Variants in ATP8B4 observed in about 807,000 individuals in gnomAD.
ATP8B4 encodes the protein probable phospholipid-transporting ATPase IM.
Under a neutral mutation model 145.6 loss-of-function variants are expected in ATP8B4, and 133 were observed. The ratio of observed to expected loss-of-function variants is 0.91; its 90% CI spans 0.79 to 1.05. The LOEUF (loss-of-function observed/expected upper bound fraction) is 1.05. Ranked by LOEUF, ATP8B4 falls within the 50% of genes least tolerant of loss-of-function variation. The pLI is 0.00. For missense variants in ATP8B4, 1,458 were observed against 1,425.2 expected, an observed-to-expected ratio of 1.02 and a Z score of -0.37; for synonymous variants, 507 against 492.9, an observed-to-expected ratio of 1.03 and a Z score of -0.38.
chr15:50,076,604 G>A (rs2054194523), intron 2 of ATP8B4, among the ~76,000 whole-genome samples: 1 of 152,178 alleles, frequency 6.6e-6, no homozygotes, highest in African/African-American at 2.4e-5. Flanking sequence ...TAGTTTCTAT[G>A]GTAGGTCAGT....
intron 1 of ATP8B4, among the ~76,000 whole-genome samples, chr15:50,111,153 C>G (rs1286717216): frequency 6.6e-6 from 1 of 152,192 alleles, no homozygotes; most frequent in Non-Finnish European, 1.5e-5. Flanking sequence ...ATGGGCACAT[C>G]TGGGTGCAGG....
At chr15:49,864,276 G>A (rs1598769602) in intron 26 of ATP8B4, among the ~76,000 whole-genome samples, 1 of 152,260 alleles carries the variant, frequency 6.6e-6, no homozygotes, top group East Asian at 1.9e-4. Context: ...ACAATTTCAG[G>A]TGCCTTTGCA....
In ATP8B4 at chr15:49,876,633, C is replaced by T. The variant is rs74012822; in HGVS notation, c.2782-110G>A. The T allele has an allele frequency of 3.1e-3, 4,443 of 1,421,458 alleles. 114 individuals are homozygous for T. The African/African-American group carries it at 0.055, about 18-fold the overall frequency. The allele number at this position is 1,421,458 out of a possible 1,614,324, so 88.1% of individuals were successfully genotyped here. A position where few individuals can be genotyped will look rare whatever the true frequency, so the allele number is the denominator to read the frequency against. Reference sequence around the variant, plus strand: ...GCCTGTTTAAACATGTCCTAAAATGCACTACTCACTGGGCCAGAACAGGAC... The same window carrying T: ...GCCTGTTTAAACATGTCCTAAAATGTACTACTCACTGGGCCAGAACAGGAC... On this transcript the variant is annotated intron_variant, in intron 24 of 27. Coordinates refer to ENST00000284509, the MANE Select transcript of ATP8B4 (RefSeq NM_024837.4).
chr15:50,124,760 G>A (rs1434124545), intron 1 of ATP8B4, among the ~76,000 whole-genome samples: 1 of 152,104 alleles, frequency 6.6e-6, no homozygotes, highest in Admixed American at 6.5e-5. Flanking sequence ...AGATCCTACA[G>A]GGCTTGTTGT....
In ATP8B4 at chr15:49,928,697, C is replaced by T. The variant is rs568891633; in HGVS notation, c.1642+2422G>A. On this transcript the variant is annotated intron_variant, in intron 16 of 27. Coordinates refer to ENST00000284509, the MANE Select transcript of ATP8B4 (RefSeq NM_024837.4). ...CAAGAAACTTAACTAAGGCAGGGTA[C>T]TGGGAATTAGGAAAAAAGGACAAAA... Among the ~76,000 whole-genome samples, 19 of 151,928 alleles carry T rather than the reference C, an allele frequency of 1.3e-4. No homozygotes were observed. The South Asian group carries it at 3.5e-3, about 28-fold the overall frequency.
intron 2 of ATP8B4, among the ~76,000 whole-genome samples, chr15:50,081,797 TTTAA>T (rs1346032136): frequency 6.6e-6 from 1 of 152,256 alleles, no homozygotes; most frequent in Non-Finnish European, 1.5e-5. Context: ...ACAGTCTTTC[TTTAA>T]TTAACTCCAG....
intron 27 of ATP8B4, among the ~76,000 whole-genome samples, chr15:49,860,797 C>T (rs2031546342): frequency 6.6e-6 from 1 of 152,152 alleles, no homozygotes; most frequent in African/African-American, 2.4e-5. Flanking sequence ...CCAAAGTCAG[C>T]ATAATAATTT....
intron 1 of ATP8B4, among the ~76,000 whole-genome samples, chr15:50,175,926 T>C (rs2044755307): frequency 6.6e-6 from 1 of 152,228 alleles, no homozygotes; most frequent in East Asian, 1.9e-4. Flanking sequence ...CAATTTACAA[T>C]TGCAAAATCA....
chr15:50,020,639 C>T (rs2049478818), intron 6 of ATP8B4, among the ~76,000 whole-genome samples: 1 of 152,094 alleles, frequency 6.6e-6, no homozygotes, highest in Admixed American at 6.5e-5. Flanking sequence ...TTCTGGTTTC[C>T]TAGACCAGGC....
At chr15:49,900,096 C>A (rs755229430) in intron 21 of ATP8B4, among the ~76,000 whole-genome samples, 2 of 152,122 alleles carry the variant, frequency 1.3e-5, no homozygotes, top group African/African-American at 2.4e-5. Context: ...AGATGACAGT[C>A]GTAATTTTCA....
At chr15:50,025,299 G>C (rs966626797) in intron 6 of ATP8B4, among the ~76,000 whole-genome samples, 1 of 152,182 alleles carries the variant, frequency 6.6e-6, no homozygotes, top group Non-Finnish European at 1.5e-5. Context: ...CAATCTCTCT[G>C]TTATGAGGAA....
At chr15:50,095,598 A>G (rs552728275) in intron 2 of ATP8B4, among the ~76,000 whole-genome samples, 13 of 152,214 alleles carry the variant, frequency 8.5e-5, no homozygotes, top group African/African-American at 2.6e-4. Context: ...CTTTACAAAA[A>G]ATTAAAAAAC....
intron 6 of ATP8B4, among the ~76,000 whole-genome samples, chr15:50,018,382 T>G (rs2153578400): frequency 6.6e-6 from 1 of 152,266 alleles, no homozygotes; most frequent in Admixed American, 6.5e-5. Context: ...AAATGACCCC[T>G]CTAATCTAGA....
At position 49,879,438 on chromosome 15, in the gene ATP8B4, T is replaced by C. The variant is rs779047801; in HGVS notation, c.2719A>G (p.Ile907Val). 9.3e-6 allele frequency: 15 copies of C among 1,611,866 alleles called. No homozygotes were observed. The highest frequency in any genetic ancestry group is 1.3e-5 in the Non-Finnish European group (15 of 1,178,420). The part of the protein sequence containing the change: ...SAQTVYDQWF[I>V]TLFNIVYTSL... ...GTGTAAACAATGTTAAAAAGGGTGA[T>C]GAACCACTGGTCATAAACAGTCTGA... Residue 907 changes from isoleucine (I) to valine (V), a missense_variant, in exon 24 of 28, where the codon ATC (isoleucine) becomes GTC (valine). Coordinates refer to ENST00000284509, the MANE Select transcript of ATP8B4 (RefSeq NM_024837.4).
chr15:49,882,070 G>C (rs1187930922), intron 23 of ATP8B4, among the ~76,000 whole-genome samples: 3 of 152,318 alleles, frequency 2.0e-5, no homozygotes, highest in South Asian at 4.1e-4. Context: ...CTGCTGGGAG[G>C]CTGCCTTTGG....
At position 50,008,704 on chromosome 15, in the gene ATP8B4, G is replaced by A. The variant is rs150476768; in HGVS notation, c.435+2141C>T. Among the ~76,000 whole-genome samples the A allele has an allele frequency of 2.6e-5, 4 of 152,270 alleles. No individual in the cohort carries two copies. In the East Asian group the frequency reaches 7.7e-4, roughly 29 times the overall value. On this transcript the variant is annotated intron_variant, in intron 7 of 27. Transcript: ENST00000284509. The stretch of plus-strand genomic sequence containing the variant: ...GGAGCCTAGATCTGCTGGCCATGAG[G>A]CACCATAGAGTTAAAAGCTTTGAGA...
At chr15:49,880,711 C>G (rs932245444) in intron 23 of ATP8B4, 6 of 150,294 alleles carry the variant, frequency 4.0e-5, no homozygotes, top group Non-Finnish European at 7.4e-5. Flanking sequence ...TCCTTTGTTA[C>G]TCTCTGATTC....
At chr15:50,069,575 T>C (rs1038459990) in intron 3 of ATP8B4, among the ~76,000 whole-genome samples, 1 of 152,190 alleles carries the variant, frequency 6.6e-6, no homozygotes, top group Non-Finnish European at 1.5e-5. Context: ...GATTGTAAAA[T>C]TGTGTATCTC....
chr15:50,064,029 G>C (rs2053209698), intron 3 of ATP8B4, among the ~76,000 whole-genome samples: 1 of 152,080 alleles, frequency 6.6e-6, no homozygotes, highest in South Asian at 2.1e-4. Context: ...CTTCTAAAGG[G>C]ATAAAAGCAC....
Sources: gnomAD v4.1 joint callset for allele counts (sites outside exome capture counted in the v4.1 genomes callset) on GRCh38, gnomAD v4.1.1 for gene constraint, MANE v1.5 for transcripts, NCBI Gene and HGNC (gene_info 2026-07-23, HGNC 2026-07-21) for gene names.